The following FRMD4A variants were observed in gnomAD, a reference collection of about 807,000 sequenced individuals.
FRMD4A encodes FERM domain containing 4A.
Under a neutral mutation model 129.1 loss-of-function variants are expected in FRMD4A, and 29 were observed. The observed-to-expected ratio is 0.22, with a 90% confidence interval of 0.17 to 0.31. FRMD4A has a LOEUF of 0.31. Ranked by LOEUF, FRMD4A falls within the 10% of genes least tolerant of loss-of-function variation. The pLI, the probability that FRMD4A is intolerant of heterozygous loss-of-function variation, is 1.00. For synonymous variants in FRMD4A, 634 were observed against 571.6 expected, an observed-to-expected ratio of 1.11 and a Z score of -1.56; for missense variants, 1,272 against 1,375.8, an observed-to-expected ratio of 0.92 and a Z score of 1.19.
chr10:13,710,011 G>A (rs2087854063), intron 12 of FRMD4A, among the ~76,000 whole-genome samples: 1 of 152,114 alleles, frequency 6.6e-6, no homozygotes, highest in Non-Finnish European at 1.5e-5. Flanking sequence ...CCACCTAATG[G>A]GTTTGATCAA....
chr10:14,222,938 A>C (rs1843311080), intron 2 of FRMD4A, among the ~76,000 whole-genome samples: 1 of 152,138 alleles, frequency 6.6e-6, no homozygotes, highest in South Asian at 2.1e-4. Flanking sequence ...AAATACAAAA[A>C]TTAGCCTGGC....
At chr10:14,236,865 G>A (rs1369912397) in intron 2 of FRMD4A, among the ~76,000 whole-genome samples, 1 of 152,042 alleles carries the variant, frequency 6.6e-6, no homozygotes, top group East Asian at 1.9e-4. Context: ...AGTGACCCTG[G>A]TTCTGTGTGT....
At chr10:13,718,591 G>C (rs2089103092) in intron 12 of FRMD4A, among the ~76,000 whole-genome samples, 1 of 152,242 alleles carries the variant, frequency 6.6e-6, no homozygotes, top group Admixed American at 6.5e-5. Flanking sequence ...CTTTCCAGGA[G>C]GGCTGGTCCT....
intron 2 of FRMD4A, among the ~76,000 whole-genome samples, chr10:14,226,480 T>G (rs1189345415): frequency 6.6e-6 from 1 of 152,234 alleles, no homozygotes; most frequent in African/African-American, 2.4e-5. Flanking sequence ...CTCACAGTTC[T>G]GGAAGCAAGA....
chr10:14,164,487 AAAAAT>A (rs1564354514), intron 2 of FRMD4A, among the ~76,000 whole-genome samples: 1 of 152,200 alleles, frequency 6.6e-6, no homozygotes, highest in Non-Finnish European at 1.5e-5. Flanking sequence ...TCGCATGGTT[AAAAAT>A]ACATGAACTT....
At chr10:13,649,131 C>CT (rs2081342470) in intron 24 of FRMD4A, 1 of 150,440 alleles carries the variant, frequency 6.6e-6, no homozygotes, top group Non-Finnish European at 1.5e-5. Context: ...ATGTAGTTGA[C>CT]TCTCTTGTAT....
At chr10:13,992,205 C>A (rs1447149006) in intron 2 of FRMD4A, among the ~76,000 whole-genome samples, 1 of 152,210 alleles carries the variant, frequency 6.6e-6, no homozygotes, top group Non-Finnish European at 1.5e-5. Context: ...TGCCTATAGC[C>A]CAGGCTATGC....
chr10:14,068,916 C>T (rs1456695410), intron 2 of FRMD4A, among the ~76,000 whole-genome samples: 3 of 151,052 alleles, frequency 2.0e-5, no homozygotes, highest in East Asian at 3.9e-4. Flanking sequence ...CCCTCCCTCC[C>T]TCTCCCTCTC....
intron 2 of FRMD4A, among the ~76,000 whole-genome samples, chr10:14,128,048 CTTTCTTTCTT>C (rs1296418840): frequency 6.0e-5 from 1 of 16,748 alleles, no homozygotes; most frequent in Non-Finnish European, 1.1e-4. Flanking sequence ...TTCTTTCCCT[CTTTCTTTCTT>C]TCTTTCTTTC....
In FRMD4A at chr10:13,796,514, A is replaced by G. The variant is rs548677126; in HGVS notation, c.281T>C (p.Val94Ala). The G allele has an allele frequency of 1.3e-6, 2 of 1,578,042 alleles. No homozygotes were observed. Among genetic ancestry groups the G allele is most frequent in the East Asian group, 2.2e-5 (1 of 44,706 alleles). Residue 94 changes from valine to alanine, a missense_variant, in exon 5 of 25, where the codon GTT (valine) becomes GCT (alanine). Transcript: ENST00000357447. Reference protein sequence around the residue: ...HDFPKKSGPVVLYFCVRFYIE... With the variant: ...HDFPKKSGPVALYFCVRFYIE... ...TACATACCTGACACAAAAGTATAAAACCACGGGTCCTGACTTTTTAGGGAA... is the reference window on the plus strand; with the variant it reads ...TACATACCTGACACAAAAGTATAAAGCCACGGGTCCTGACTTTTTAGGGAA...
intron 3 of FRMD4A, among the ~76,000 whole-genome samples, chr10:13,846,040 T>C (rs183464953): frequency 2.0e-5 from 3 of 152,220 alleles, no homozygotes; most frequent in African/African-American, 4.8e-5. Context: ...TCTGAAAAAA[T>C]GGGAATAATA....
Position 13,871,855 on chromosome 10 carries a change from C to T in FRMD4A, c.46-12943G>A, listed in dbSNP as rs566906595. ...CAGAGGTCTGAGCCACACACTGTGCCTCCCTTGCTACCCTCCCTGAGCCAC... is the reference window on the plus strand; with the variant it reads ...CAGAGGTCTGAGCCACACACTGTGCTTCCCTTGCTACCCTCCCTGAGCCAC... On this transcript the variant is annotated intron_variant, in intron 2 of 24. Coordinates refer to ENST00000357447, the MANE Select transcript of FRMD4A (RefSeq NM_018027.5). Among the ~76,000 whole-genome samples the T allele has an allele frequency of 6.6e-5, 10 of 152,338 alleles. No homozygotes were observed. In the East Asian group the frequency reaches 1.7e-3, roughly 26 times the overall value.
intron 2 of FRMD4A, among the ~76,000 whole-genome samples, chr10:14,146,051 G>A (rs555119588): frequency 5.1e-4 from 78 of 152,266 alleles, no homozygotes; most frequent in African/African-American, 1.6e-3. Context: ...TCTGCCCTTC[G>A]CTGGCTGTGT....
At chr10:13,840,373 G>A (rs1028877826) in intron 3 of FRMD4A, among the ~76,000 whole-genome samples, 7 of 152,190 alleles carry the variant, frequency 4.6e-5, no homozygotes, top group South Asian at 2.1e-4. Flanking sequence ...CAAACCTGCC[G>A]AGACTCTGAT....
intron 2 of FRMD4A, among the ~76,000 whole-genome samples, chr10:14,098,717 T>C (rs887600528): frequency 1.3e-5 from 2 of 152,066 alleles, no homozygotes; most frequent in Non-Finnish European, 2.9e-5. Flanking sequence ...CTGAATATGG[T>C]TCTCAAGAAC....
chr10:13,682,674 T>A (rs1194505534), intron 15 of FRMD4A, among the ~76,000 whole-genome samples: 1 of 151,794 alleles, frequency 6.6e-6, no homozygotes, highest in Non-Finnish European at 1.5e-5. Context: ...CTAATTTTTA[T>A]ATTTTTAGTA....
At chr10:14,026,737 T>C (rs916678727) in intron 2 of FRMD4A, among the ~76,000 whole-genome samples, 5 of 152,200 alleles carry the variant, frequency 3.3e-5, no homozygotes, top group Admixed American at 1.3e-4. Context: ...TCTTGCCACA[T>C]AGTTGCCATC....
At chr10:14,253,058 G>A (rs1243144280) in intron 2 of FRMD4A, among the ~76,000 whole-genome samples, 1 of 152,052 alleles carries the variant, frequency 6.6e-6, no homozygotes, top group Non-Finnish European at 1.5e-5. Flanking sequence ...AATCTGAATA[G>A]CTTTAAGTCA....
intron 2 of FRMD4A, among the ~76,000 whole-genome samples, chr10:13,988,552 TAATG>T (rs2095590699): frequency 6.6e-6 from 1 of 152,282 alleles, no homozygotes; most frequent in Admixed American, 6.5e-5. Context: ...GAAAGATAAT[TAATG>T]GATGGATGGA....
Sources: gnomAD v4.1 joint callset for allele counts (sites outside exome capture counted in the v4.1 genomes callset) on GRCh38, gnomAD v4.1.1 for gene constraint, MANE v1.5 for transcripts, NCBI Gene and HGNC (gene_info 2026-07-23, HGNC 2026-07-21) for gene names.